Variants in NCAM2 observed in about 807,000 individuals in gnomAD.
The protein encoded by NCAM2 is neural cell adhesion molecule 2, also known as N-CAM-2.
A neutral mutation model predicts 98.1 loss-of-function variants in NCAM2; 30 were observed. The ratio of observed to expected loss-of-function variants is 0.31; its 90% CI spans 0.23 to 0.41. NCAM2 has a LOEUF of 0.41. Among genes scored for constraint, NCAM2 ranks in the 10% least tolerant of loss-of-function variants. The probability of loss-of-function intolerance (pLI) is 1.00; values close to 1 mark genes in which losing one functional copy is unlikely to be tolerated. For synonymous variants in NCAM2, 368 were observed against 342.4 expected (o/e 1.07, Z -0.83); for missense variants, 867 against 1,005.8 (o/e 0.86, Z 1.87).
chr21:21,267,251 CAA>C (rs952118988), intron 1 of NCAM2, among the ~76,000 whole-genome samples: 3 of 152,054 alleles, frequency 2.0e-5, no homozygotes, highest in African/African-American at 7.2e-5. Context: ...TTGGTGACTC[CAA>C]GCATACTTGT....
intron 12 of NCAM2, among the ~76,000 whole-genome samples, chr21:21,437,058 A>G (rs1037177748): frequency 3.9e-5 from 6 of 152,006 alleles, no homozygotes; most frequent in Non-Finnish European, 2.9e-5. Context: ...TACAGGCATA[A>G]ACCACCACGC....
chr21:21,284,046 C>T lies in NCAM2; in HGVS notation c.131-148C>T, dbSNP rs999545902. 35 of 643,274 alleles carry T rather than the reference C, an allele frequency of 5.4e-5. No individual in the cohort carries two copies. The Admixed American group carries it at 8.6e-4, about 16-fold the overall frequency. The allele number at this position is 643,274 out of a possible 1,614,324, so 39.8% of individuals were successfully genotyped here. On this transcript the variant is annotated intron_variant, in intron 2 of 17. Coordinates refer to ENST00000400546, the MANE Select transcript of NCAM2 (RefSeq NM_004540.5). Reference sequence around the variant, plus strand: ...ACATTTGCACTAACATTTGTGTTTACTTTAAGTTTTGTAAGATTCTCAGAT... The same window carrying T: ...ACATTTGCACTAACATTTGTGTTTATTTTAAGTTTTGTAAGATTCTCAGAT...
intron 11 of NCAM2, among the ~76,000 whole-genome samples, chr21:21,423,479 C>T (rs1039150014): frequency 6.6e-6 from 1 of 152,154 alleles, no homozygotes; most frequent in African/African-American, 2.4e-5. Context: ...TATTATACAT[C>T]AATCTAGACA....
At chr21:21,221,859 A>G (rs1166160626) in intron 1 of NCAM2, among the ~76,000 whole-genome samples, 1 of 152,152 alleles carries the variant, frequency 6.6e-6, no homozygotes, top group Non-Finnish European at 1.5e-5. Context: ...TATTGGAAGG[A>G]GATACCATCT....
chr21:21,396,254 A>G (rs1400572818), intron 9 of NCAM2, among the ~76,000 whole-genome samples: 1 of 152,210 alleles, frequency 6.6e-6, no homozygotes, highest in Non-Finnish European at 1.5e-5. Flanking sequence ...TATATGTAAA[A>G]TTCTCAACAT....
At chr21:21,404,519 A>G (rs561632466) in intron 9 of NCAM2, among the ~76,000 whole-genome samples, 1 of 152,264 alleles carries the variant, frequency 6.6e-6, no homozygotes, top group South Asian at 2.1e-4. Context: ...CTCAACAGCC[A>G]AGTGAAACTG....
Position 21,404,138 on chromosome 21 carries a change from A to G in NCAM2, c.1196-6136A>G, listed in dbSNP as rs911611220. Among the ~76,000 whole-genome samples the G allele has an allele frequency of 2.0e-5, 3 of 152,198 alleles. No homozygotes were observed. In the South Asian group the frequency reaches 6.2e-4, roughly 31 times the overall value. ...AAGCCTCTTTCAATTTTAATTTCAA[A>G]TAATTATGCCTCTCAACAAATAAAA... On this transcript the variant is annotated intron_variant, in intron 9 of 17. Transcript: ENST00000400546.
rs1156588500 is a variant in NCAM2, at chr21:21,479,583, C to CAAAAAAAAAAAA, written c.2077+2126_2077+2137dup. Among the ~76,000 whole-genome samples, 39 of 30,960 alleles carry CAAAAAAAAAAAA rather than the reference C, an allele frequency of 1.3e-3. 2 individuals carry two copies. Among genetic ancestry groups the CAAAAAAAAAAAA allele is most frequent in the Non-Finnish European group, 1.6e-3 (24 of 14,882 alleles). 20.3% of individuals were successfully genotyped at this position (30,960 alleles called of 152,430 possible). ...TGGGAGACAGAGCGAGACTGCGTCT[C>CAAAAAAAAAAAA]AAAAAAAAAAAAAAAAAAAAAAAAA... is the stretch of plus-strand genomic sequence containing the variant. On this transcript the variant is annotated intron_variant, in intron 15 of 17. Coordinates refer to ENST00000400546, the MANE Select transcript of NCAM2 (RefSeq NM_004540.5).
intron 16 of NCAM2, among the ~76,000 whole-genome samples, chr21:21,524,351 G>A (rs1989200324): frequency 6.6e-6 from 1 of 151,358 alleles, no homozygotes; most frequent in Non-Finnish European, 1.5e-5. Context: ...ACAACTTAAT[G>A]AGAAATACAG....
chr21:21,375,027 A>T (rs1184276324), intron 9 of NCAM2, among the ~76,000 whole-genome samples: 1 of 151,388 alleles, frequency 6.6e-6, no homozygotes, highest in Non-Finnish European at 1.5e-5. Context: ...GTTGGGGGAG[A>T]GGGGAGGGAT....
At chr21:21,022,777 T>A (rs1440468895) in intron 1 of NCAM2, among the ~76,000 whole-genome samples, 1 of 152,154 alleles carries the variant, frequency 6.6e-6, no homozygotes, top group Non-Finnish European at 1.5e-5. Flanking sequence ...AACTTTATAA[T>A]CTGTTTGCAG....
At chr21:21,174,997 T>C (rs2068236246) in intron 1 of NCAM2, among the ~76,000 whole-genome samples, 1 of 152,158 alleles carries the variant, frequency 6.6e-6, no homozygotes, top group African/African-American at 2.4e-5. Context: ...TAATTATTTC[T>C]AGAACATAGT....
At chr21:21,410,726 T>C (rs1484086870) in intron 10 of NCAM2, among the ~76,000 whole-genome samples, 1 of 151,564 alleles carries the variant, frequency 6.6e-6, no homozygotes, top group Non-Finnish European at 1.5e-5. Flanking sequence ...AACAATTATA[T>C]GGCCGGGCGC....
At chr21:21,188,956 T>C (rs2068727567) in intron 1 of NCAM2, among the ~76,000 whole-genome samples, 1 of 152,156 alleles carries the variant, frequency 6.6e-6, no homozygotes. Context: ...GTAAGGCAGA[T>C]TAAATGGGGC....
chr21:21,343,207 C>T (rs1167079904), intron 8 of NCAM2, among the ~76,000 whole-genome samples: 1 of 151,928 alleles, frequency 6.6e-6, no homozygotes, highest in Non-Finnish European at 1.5e-5. Context: ...AAAATTACTT[C>T]GTATAATGGG....
chr21:21,149,930 C>T (rs1293897899), intron 1 of NCAM2, among the ~76,000 whole-genome samples: 1 of 151,906 alleles, frequency 6.6e-6, no homozygotes, highest in Admixed American at 6.6e-5. Flanking sequence ...GGTATATAGC[C>T]CGTAATGGGA....
At chr21:21,458,077 C>T (rs1039234896) in intron 12 of NCAM2, among the ~76,000 whole-genome samples, 6 of 152,162 alleles carry the variant, frequency 3.9e-5, no homozygotes, top group African/African-American at 1.4e-4. Context: ...GGTTCAGGTG[C>T]CTAGGAGACA....
At chr21:21,133,920 A>T (rs1289107485) in intron 1 of NCAM2, among the ~76,000 whole-genome samples, 2 of 152,152 alleles carry the variant, frequency 1.3e-5, no homozygotes, top group Non-Finnish European at 2.9e-5. Flanking sequence ...TGCTGAAGTA[A>T]CACTGGGTAG....
chr21:21,152,681 A>G (rs2067481905), intron 1 of NCAM2, among the ~76,000 whole-genome samples: 1 of 151,830 alleles, frequency 6.6e-6, no homozygotes, highest in East Asian at 1.9e-4. Flanking sequence ...TATTCCAGTT[A>G]CTCAACAAAT....
Sources: allele counts gnomAD v4.1 joint callset (sites outside exome capture counted in the v4.1 genomes callset), GRCh38; gene constraint gnomAD v4.1.1; transcripts MANE v1.5; gene names NCBI Gene and HGNC (gene_info 2026-07-23, HGNC 2026-07-21).